The following KDM7A variants were observed in gnomAD, a reference collection of about 807,000 sequenced individuals.
KDM7A encodes lysine demethylase 7A, also known as lysine-specific demethylase 7A.
KDM7A carries 28 observed loss-of-function variants against 114.8 expected under a neutral mutation model. That is an observed-to-expected ratio of 0.24 (90% confidence interval 0.18 to 0.33). The LOEUF (loss-of-function observed/expected upper bound fraction) is 0.33. KDM7A is among the 10% of genes least tolerant of loss of function. The probability of loss-of-function intolerance (pLI) is 1.00; values close to 1 mark genes in which losing one functional copy is unlikely to be tolerated. For missense variants in KDM7A, 942 were observed against 1,142.5 expected (o/e 0.82, Z 2.53); for synonymous variants, 423 against 397.8 (o/e 1.06, Z -0.75).
intron 9 of KDM7A, among the ~76,000 whole-genome samples, chr7:140,115,174 G>A (rs1343720879): frequency 1.3e-5 from 2 of 149,662 alleles, no homozygotes; most frequent in Non-Finnish European, 1.5e-5. Context: ...GGAGGGAGGT[G>A]GGGGGCAGCC....
chr7:140,161,902 T>G (rs1794523783), intron 1 of KDM7A, among the ~76,000 whole-genome samples: 2 of 152,332 alleles, frequency 1.3e-5, no homozygotes, highest in South Asian at 4.1e-4. Context: ...TGGACCACAT[T>G]CCAGTTTCTT....
chr7:140,148,406 G>GT (rs1484582317), intron 1 of KDM7A, among the ~76,000 whole-genome samples: 1 of 123,594 alleles, frequency 8.1e-6, no homozygotes, highest in Non-Finnish European at 1.8e-5. Flanking sequence ...TTTGTTTTTT[G>GT]TTTTTTGGTC....
intron 1 of KDM7A, among the ~76,000 whole-genome samples, chr7:140,173,418 CA>C (rs1270148652): frequency 6.6e-6 from 1 of 152,184 alleles, no homozygotes; most frequent in East Asian, 1.9e-4. Context: ...GACAGAAAAG[CA>C]TCAAGGACAG....
rs1025509581 is a variant in KDM7A, at chr7:140,098,284, T to A, written c.1918+595A>T. Among the ~76,000 whole-genome samples, 11 of 152,218 alleles carry A rather than the reference T, an allele frequency of 7.2e-5. 1 individual carries two copies. Among genetic ancestry groups the A allele is most frequent in the African/African-American group, 2.7e-4 (11 of 41,448 alleles). Reference sequence around the variant, plus strand: ...CCAAAGTATATATTTGAACTACTTTTTAAAATAGAAAGGAATACAGAGATC... The same window carrying A: ...CCAAAGTATATATTTGAACTACTTTATAAAATAGAAAGGAATACAGAGATC... On this transcript the variant is annotated intron_variant, in intron 14 of 19. Coordinates refer to ENST00000397560, the MANE Select transcript of KDM7A (RefSeq NM_030647.2).
intron 12 of KDM7A, among the ~76,000 whole-genome samples, chr7:140,100,687 T>TATATAC (rs1562945948): frequency 7.3e-5 from 3 of 40,922 alleles, no homozygotes; most frequent in South Asian, 7.7e-4. Context: ...TATACATATA[T>TATATAC]ACATATATAT....
chr7:140,114,535 C>T (rs2116777839), intron 9 of KDM7A, among the ~76,000 whole-genome samples: 1 of 152,322 alleles, frequency 6.6e-6, no homozygotes, highest in Middle Eastern at 3.4e-3. Flanking sequence ...CACCTCCCAG[C>T]CGCCTGCCTT....
chr7:140,113,563 G>C lies in KDM7A; in HGVS notation c.1266C>G (p.Phe422Leu), dbSNP rs993326065. The stretch of plus-strand genomic sequence containing the variant: ...CCTGTACTAGGTAAGTTTGAGGCTG[G>C]AAACCATCTTCTCTCAGTTCTGTAG... ...ETLKELREDG[F>L]QPQTYLVQGV... The change falls in exon 10 of 20, where the codon TTC (phenylalanine) becomes TTG (leucine). Residue 422 changes from phenylalanine (F) to leucine (L), a missense_variant. Transcript: ENST00000397560. 1 of 1,596,422 alleles carries C rather than the reference G, an allele frequency of 6.3e-7. No homozygotes were observed. Among genetic ancestry groups the C allele is most frequent in the African/African-American group, 1.3e-5 (1 of 74,480 alleles).
intron 9 of KDM7A, among the ~76,000 whole-genome samples, chr7:140,118,560 G>A (rs1026789683): frequency 1.3e-5 from 2 of 149,980 alleles, no homozygotes; most frequent in South Asian, 2.1e-4. Context: ...CATGCACCAC[G>A]ATGCCCGGCT....
At chr7:140,100,130 G>T in intron 12 of KDM7A, 107 bp from the exon 13 acceptor site, 1 of 1,191,750 alleles carries the variant, frequency 8.4e-7, no homozygotes, top group Non-Finnish European at 1.2e-6. Context: ...GCATCTCAAA[G>T]ATACAGGCAG....
Position 140,146,401 on chromosome 7 carries a change from C to T in KDM7A, c.195-7211G>A, listed in dbSNP as rs376639235. Among the ~76,000 whole-genome samples the T allele has an allele frequency of 2.0e-5, 3 of 152,226 alleles. No individual in the cohort carries two copies. The South Asian group carries it at 6.2e-4, about 32-fold the overall frequency. On this transcript the variant is annotated intron_variant, in intron 1 of 19. Coordinates refer to ENST00000397560, the MANE Select transcript of KDM7A (RefSeq NM_030647.2). ...CACCCACTCCATCCTTCACTCACTG[C>T]CTCCCTACTAAAAAATTGCTAGAAT...
intron 2 of KDM7A, among the ~76,000 whole-genome samples, chr7:140,136,094 A>G (rs1562955407): frequency 6.6e-6 from 1 of 152,120 alleles, no homozygotes; most frequent in Non-Finnish European, 1.5e-5. Context: ...CCAGTAGTTA[A>G]TTTTCATTTT....
At chr7:140,136,345 T>C (rs1381910052) in intron 2 of KDM7A, among the ~76,000 whole-genome samples, 1 of 152,198 alleles carries the variant, frequency 6.6e-6, no homozygotes, top group East Asian at 1.9e-4. Context: ...TGTGCTGACT[T>C]GGAGGAGGTT....
At chr7:140,113,222 CTA>C (rs1818461136) in intron 10 of KDM7A, among the ~76,000 whole-genome samples, 1 of 152,174 alleles carries the variant, frequency 6.6e-6, no homozygotes, top group Admixed American at 6.5e-5. Context: ...TCAATGTTAC[CTA>C]TATGTTCATT....
At position 140,176,767 on chromosome 7, in the gene KDM7A, G is replaced by C. The variant is rs753865550; in HGVS notation, c.171C>G (p.Ile57Met). 1.4e-6 allele frequency: 2 copies of C among 1,408,432 alleles called. No individual in the cohort carries two copies. The highest frequency in any genetic ancestry group is 1.5e-5 in the African/African-American group (1 of 66,146). The allele number at this position is 1,408,432 out of a possible 1,614,324, so 87.2% of individuals were successfully genotyped here. A position where few individuals can be genotyped will look rare whatever the true frequency, so the allele number is the denominator to read the frequency against. Residue 57 changes from isoleucine to methionine, a missense_variant, in exon 1 of 20, where the codon ATC becomes ATG. Around this residue, in one of 4 missense-constraint regions of KDM7A, gnomAD observed 112 missense variants for 96.2 expected, o/e 1.16. Coordinates refer to ENST00000397560, the MANE Select transcript of KDM7A (RefSeq NM_030647.2). The surrounding 1 kb of genome is among the most constrained non-coding windows in gnomAD (Gnocchi z 4.4). ...DVNRFMIECDICKDWFHGSCV... is the reference protein window; with the variant it reads ...DVNRFMIECDMCKDWFHGSCV... ...ACCTGCCGTGGAACCAGTCCTTGCA[G>C]ATATCGCACTCGATCATGAAGCGGT... is the stretch of plus-strand genomic sequence containing the variant.
intron 2 of KDM7A, 140 bp from the exon 3 acceptor site, chr7:140,133,796 C>T (rs1818828414): frequency 1.9e-6 from 1 of 521,240 alleles, no homozygotes; most frequent in Admixed American, 3.4e-5. Context: ...CATTTCCAGG[C>T]CTGAGAATTT....
intron 14 of KDM7A, 51 bp from the exon 15 acceptor site, chr7:140,097,693 G>T (rs1287461582): frequency 1.9e-6 from 2 of 1,038,964 alleles, no homozygotes; most frequent in African/African-American, 1.6e-5. Flanking sequence ...TGACTACGAT[G>T]AACAAGGTGA....
At chr7:140,141,594 T>C (rs1794278370) in intron 1 of KDM7A, among the ~76,000 whole-genome samples, 1 of 152,094 alleles carries the variant, frequency 6.6e-6, no homozygotes, top group South Asian at 2.1e-4. Flanking sequence ...TATCTTTTTA[T>C]TTTAAAAAAG....
In KDM7A at chr7:140,085,765, C is replaced by T. The variant is rs1024760496; in HGVS notation, c.*5329G>A. The T allele has an allele frequency of 6.6e-6, 1 of 152,154 alleles. No individual in the cohort carries two copies. Among genetic ancestry groups the T allele is most frequent in the Admixed American group, 6.5e-5 (1 of 15,278 alleles). 9.4% of individuals were successfully genotyped at this position (152,154 alleles called of 1,614,324 possible). A position where few individuals can be genotyped will look rare whatever the true frequency, so the allele number is the denominator to read the frequency against. ...ACCTTGGGGTTCACTTAGTAAGTTA[C>T]ACCTCAGGTCCCTGACTGTAATGTG... On this transcript the variant is annotated 3_prime_UTR_variant, in exon 20 of 20. Coordinates refer to ENST00000397560, the MANE Select transcript of KDM7A (RefSeq NM_030647.2).
chr7:140,158,194 G>A (rs1279999101), intron 1 of KDM7A, among the ~76,000 whole-genome samples: 2 of 152,126 alleles, frequency 1.3e-5, no homozygotes, highest in South Asian at 4.1e-4. Context: ...TTTTCCTTAA[G>A]AGGACAAATG....
Sources: gnomAD v4.1 joint callset for allele counts (sites outside exome capture counted in the v4.1 genomes callset) on GRCh38, gnomAD v4.1.1 for gene constraint, gnomAD v4.1.1 regional missense constraint, Gnocchi (gnomAD v3.1) non-coding constraint, MANE v1.5 for transcripts, NCBI Gene and HGNC (gene_info 2026-07-23, HGNC 2026-07-21) for gene names.